CHD5: variants seen among roughly 807,000 people sequenced by gnomAD.
CHD5 encodes the protein ATP-dependent chromatin remodeler CHD5.
CHD5 carries 69 observed loss-of-function variants against 230.3 expected under a neutral mutation model. That is an observed-to-expected ratio of 0.30 (90% confidence interval 0.25 to 0.37). CHD5 has a LOEUF of 0.37. Among genes scored for constraint, CHD5 ranks in the 10% least tolerant of loss-of-function variants. CHD5 has a pLI of 1.00. For synonymous variants in CHD5, 1,064 were observed against 1,065.9 expected (o/e 1.00, Z 0.03); for missense variants, 1,827 against 2,622.8 (o/e 0.70, Z 6.63).
At chr1:6,123,892 G>C (rs1477646621) in intron 31 of CHD5, 56 bp downstream of exon 31, 1 of 1,317,454 alleles carries the variant, frequency 7.6e-7, no homozygotes, top group Non-Finnish European at 9.9e-7. Context: ...GGGTTTCTGT[G>C]ACCTTGCCAC....
At chr1:6,136,378 G>A in intron 17 of CHD5, 139 bp downstream of exon 17, 1 of 981,282 alleles carries the variant, frequency 1.0e-6, no homozygotes, top group Non-Finnish European at 1.5e-6. Flanking sequence ...TCAAAGCGGG[G>A]ACATTGCTAA....
rs571741068 is a variant in CHD5, at chr1:6,175,743, T to C, written c.79+4202A>G. Among the ~76,000 whole-genome samples, 4 of 150,296 alleles carry C rather than the reference T, an allele frequency of 2.7e-5. No homozygotes were observed. The South Asian group carries it at 8.4e-4, about 32-fold the overall frequency. On this transcript the variant is annotated intron_variant, in intron 1 of 41. Coordinates refer to ENST00000262450, the MANE Select transcript of CHD5 (RefSeq NM_015557.3). ...ACGGATGGATATACATATGGATAGA[T>C]AGGTGGATGGTGAATGGTTACTTGG...
chr1:6,118,427 C>T (rs936709539), intron 33 of CHD5, among the ~76,000 whole-genome samples: 5 of 142,084 alleles, frequency 3.5e-5, no homozygotes, highest in African/African-American at 1.0e-4. Flanking sequence ...TATTCCACAA[C>T]ATAGATGAAC....
intron 38 of CHD5, among the ~76,000 whole-genome samples, chr1:6,108,294 T>G (rs1571136237): frequency 1.8e-5 from 2 of 113,184 alleles, no homozygotes; most frequent in African/African-American, 7.1e-5. Flanking sequence ...GATGGAGAGA[T>G]GATAGAGGGA....
chr1:6,138,836 G>A (rs1430122544), intron 15 of CHD5, among the ~76,000 whole-genome samples: 2 of 152,220 alleles, frequency 1.3e-5, no homozygotes, highest in Non-Finnish European at 2.9e-5. Flanking sequence ...CAGCGTTACT[G>A]ACGACCACTA....
chr1:6,160,345 G>A (rs1263702521), intron 2 of CHD5, among the ~76,000 whole-genome samples: 2 of 94,690 alleles, frequency 2.1e-5, no homozygotes, highest in South Asian at 4.3e-4. Context: ...CAAGGGAAGA[G>A]CCCCAGCCAG....
rs374922037 is a variant in CHD5, at chr1:6,144,047, G to A, written c.1911C>T (p.Leu637=). Residue 637 remains leucine, a synonymous_variant, in exon 12 of 42, where the codon CTC becomes CTT. Transcript: ENST00000262450. ...DDIDIPYYDN[L]KQAYWGHREL... is the part of the protein sequence containing the mutation. ...ACCTGTGGCCCCAGTAGGCCTGCTT[G>A]AGGTTGTCGTAGTAGGGGATGTCGA... is the stretch of plus-strand genomic sequence containing the variant. 70 of 1,614,192 alleles carry A rather than the reference G, an allele frequency of 4.3e-5. No homozygotes were observed. In the African/African-American group the frequency reaches 8.8e-4, roughly 20 times the overall value.
chr1:6,115,369 T>A (rs1315496705), intron 33 of CHD5, among the ~76,000 whole-genome samples: 1 of 152,050 alleles, frequency 6.6e-6, no homozygotes, highest in Non-Finnish European at 1.5e-5. Flanking sequence ...CCCTGCAAGA[T>A]CCCCTGGAAG....
Position 6,129,739 on chromosome 1 carries a change from A to T in CHD5, c.3387+465T>A, listed in dbSNP as rs1666624544. Among the ~76,000 whole-genome samples, 2 of 148,402 alleles carry T rather than the reference A, an allele frequency of 1.3e-5. No individual in the cohort carries two copies. The highest frequency in any genetic ancestry group is 3.9e-4 in the East Asian group (2 of 5,096). Reference sequence around the variant, plus strand: ...GCTCTATTCCCATACCCCTCCCCCCACAGCCCTTCCATCCTTCCTTACAGC... The same window carrying T: ...GCTCTATTCCCATACCCCTCCCCCCTCAGCCCTTCCATCCTTCCTTACAGC... On this transcript the variant is annotated intron_variant, in intron 22 of 41. Coordinates refer to ENST00000262450, the MANE Select transcript of CHD5 (RefSeq NM_015557.3). This position sits in a 1 kb window ranked among gnomAD's most constrained non-coding sequence, Gnocchi z 6.8.
chr1:6,177,513 A>G (rs1667444655), intron 1 of CHD5, among the ~76,000 whole-genome samples: 1 of 152,222 alleles, frequency 6.6e-6, no homozygotes, highest in Non-Finnish European at 1.5e-5. Flanking sequence ...CGTTTCGAGT[A>G]TGTGAGGTGT....
chr1:6,149,854 ATG>A (rs1666973801), intron 7 of CHD5, among the ~76,000 whole-genome samples: 1 of 148,542 alleles, frequency 6.7e-6, no homozygotes, highest in Non-Finnish European at 1.5e-5. Flanking sequence ...AAATGGACGG[ATG>A]ATGGATGGAT....
At chr1:6,169,971 GGGACCCCGCGGA>G (rs1464478418) in intron 1 of CHD5, among the ~76,000 whole-genome samples, 10 of 152,276 alleles carry the variant, frequency 6.6e-5, no homozygotes, top group Admixed American at 6.5e-4. Context: ...TGCCTCCAGT[GGGACCCCGCGGA>G]GGACGAGAGG....
In CHD5 at chr1:6,105,482, G is replaced by A; in HGVS notation, c.*47-55C>T. The A allele has an allele frequency of 2.2e-6, 1 of 454,410 alleles. No individual in the cohort carries two copies. The highest frequency in any genetic ancestry group is 1.6e-5 in the South Asian group (1 of 62,106). 28.1% of individuals were successfully genotyped at this position (454,410 alleles called of 1,614,324 possible). ...GGTGGGCAGTTATAGGGGGCATCAG[G>A]GTGGCACCCAACAGCCTGTAGCTGC... On this transcript the variant is annotated intron_variant, in intron 41 of 41. Transcript: ENST00000262450. This position sits in a 1 kb window ranked among gnomAD's most constrained non-coding sequence, Gnocchi z 4.8.
intron 15 of CHD5, among the ~76,000 whole-genome samples, chr1:6,141,613 AT>A (rs1288038516): frequency 3.3e-5 from 5 of 152,130 alleles, no homozygotes; most frequent in African/African-American, 1.2e-4. Flanking sequence ...TCTCAAAAAA[AT>A]AAATAAATAA....
intron 38 of CHD5, among the ~76,000 whole-genome samples, chr1:6,107,948 CGGGATGATGGAGGGATGGAAGGATGGA>C (rs1666220833): frequency 1.7e-5 from 1 of 59,586 alleles, no homozygotes; most frequent in Non-Finnish European, 3.1e-5. Context: ...GGTGGAGGGA[CGGGATGATGGAGGGATGGAAGGATGGA>C]GGGATGATGG....
At chr1:6,147,994 C>T (rs1050475398) in intron 9 of CHD5, among the ~76,000 whole-genome samples, 5 of 152,060 alleles carry the variant, frequency 3.3e-5, no homozygotes, top group South Asian at 2.1e-4. Context: ...CCCACTCCTG[C>T]CCCCCTCCCA....
chr1:6,165,970 A>G (rs1393829103), intron 2 of CHD5, among the ~76,000 whole-genome samples: 1 of 152,010 alleles, frequency 6.6e-6, no homozygotes, highest in Non-Finnish European at 1.5e-5. Flanking sequence ...TGGGCCAGGC[A>G]GGAGCCTCCA....
chr1:6,134,393 C>A lies in CHD5; in HGVS notation c.3013-134G>T. ...CTGTCTGCCCACTGAACATGAGACC[C>A]ACACCCGAGCCAGGCCAGGCCCCAC... is the stretch of plus-strand genomic sequence containing the variant. On this transcript the variant is annotated intron_variant, in intron 19 of 41. Coordinates refer to ENST00000262450, the MANE Select transcript of CHD5 (RefSeq NM_015557.3). The surrounding 1 kb of genome is among the most constrained non-coding windows in gnomAD (Gnocchi z 6.3). 1 of 1,142,762 alleles carries A rather than the reference C, an allele frequency of 8.8e-7. No homozygotes were observed. Among genetic ancestry groups the A allele is most frequent in the Non-Finnish European group, 1.3e-6 (1 of 799,818 alleles). 70.8% of individuals were successfully genotyped at this position (1,142,762 alleles called of 1,614,324 possible). A position where few individuals can be genotyped will look rare whatever the true frequency, so the allele number is the denominator to read the frequency against.
Position 6,128,845 on chromosome 1 carries a change from G to A in CHD5, c.3612C>T (p.Asp1204=), listed in dbSNP as rs372800862. 4.0e-5 allele frequency: 65 copies of A among 1,608,530 alleles called. No homozygotes were observed. The highest frequency in any genetic ancestry group is 3.1e-4 in the South Asian group (28 of 91,018). Residue 1204 remains aspartate (D), a synonymous_variant, in exon 23 of 42, where the codon GAC becomes GAT. Coordinates refer to ENST00000262450, the MANE Select transcript of CHD5 (RefSeq NM_015557.3). The surrounding 1 kb of genome is among the most constrained non-coding windows in gnomAD (Gnocchi z 7.8). ...CTCGGAACAGAGGCCCACCCTCCACGTCGTCCTTGAAGAGTTCCTCCGTGC... is the reference window on the plus strand; with the variant it reads ...CTCGGAACAGAGGCCCACCCTCCACATCGTCCTTGAAGAGTTCCTCCGTGC... ...KFGTEELFKD[D]VEGMMSQGQR...
Sources: allele counts gnomAD v4.1 joint callset (sites outside exome capture counted in the v4.1 genomes callset), GRCh38; gene constraint gnomAD v4.1.1; non-coding constraint Gnocchi (gnomAD v3.1); transcripts MANE v1.5; gene names NCBI Gene and HGNC (gene_info 2026-07-23, HGNC 2026-07-21).